Variants in KCTD15 observed in about 807,000 individuals in gnomAD.
KCTD15 encodes BTB/POZ domain-containing protein KCTD15.
A neutral mutation model predicts 27.2 loss-of-function variants in KCTD15; 11 were observed. The ratio of observed to expected loss-of-function variants is 0.41; its 90% CI spans 0.25 to 0.67. KCTD15 has a LOEUF of 0.67. Among genes scored for constraint, KCTD15 ranks in the 30% least tolerant of loss-of-function variants. KCTD15 has a pLI of 0.35. For missense variants in KCTD15, 350 were observed against 409.3 expected (o/e 0.86, Z 1.25); for synonymous variants, 163 against 176.0 (o/e 0.93, Z 0.58).
chr19:33,807,373 A>G (rs1005025585), intron 5 of KCTD15, among the ~76,000 whole-genome samples: 2 of 151,594 alleles, frequency 1.3e-5, no homozygotes, highest in Non-Finnish European at 2.9e-5. Context: ...GGATCACTTG[A>G]GGTCAGGAGT....
At position 33,812,868 on chromosome 19, in the gene KCTD15, G is replaced by T. The variant is rs763757963; in HGVS notation, c.772G>T (p.Glu258Ter). Reference sequence around the variant, plus strand: ...CGGTGTGGACTCCTCCCAGTTCAGCGAGTATGTGCTTTGCCGGGAGGAGCG... The same window carrying T: ...CGGTGTGGACTCCTCCCAGTTCAGCTAGTATGTGCTTTGCCGGGAGGAGCG... ...GGGVDSSQFS[E>*]YVLCREERRP... The change falls in exon 7 of 7, where the codon GAG becomes TAG. Residue 258 changes from glutamate (E) to a stop codon, truncating the protein, a stop_gained. Coordinates refer to ENST00000683859, the MANE Select transcript of KCTD15 (RefSeq NM_001129994.2). LOFTEE classifies it high-confidence loss of function. 1 of 1,548,950 alleles carries T rather than the reference G, an allele frequency of 6.5e-7. No homozygotes were observed. The highest frequency in any genetic ancestry group is 8.7e-7 in the Non-Finnish European group (1 of 1,145,752).
intron 1 of KCTD15, among the ~76,000 whole-genome samples, chr19:33,797,872 G>A (rs1248567893): frequency 3.3e-5 from 5 of 152,128 alleles, no homozygotes; most frequent in Non-Finnish European, 7.4e-5. Flanking sequence ...GCGCTTTTAC[G>A]TCCTTAATTA....
chr19:33,812,772 C>G lies in KCTD15; in HGVS notation c.694-18C>G, dbSNP rs1224360978. ...TCTTGCAGCTTGGCCTTGATGACCT[C>G]TGTTTCTTCCTGGGCAGGTCCTGGA... On this transcript the variant is annotated intron_variant, in intron 6 of 6. Transcript: ENST00000683859. 7.0e-7 allele frequency: 1 copy of G among 1,431,820 alleles called. No homozygotes were observed. Among genetic ancestry groups the G allele is most frequent in the Admixed American group, 2.9e-5 (1 of 34,512 alleles). The allele number at this position is 1,431,820 out of a possible 1,614,324, so 88.7% of individuals were successfully genotyped here.
intron 4 of KCTD15, among the ~76,000 whole-genome samples, chr19:33,806,246 A>C (rs566368682): frequency 3.3e-4 from 50 of 152,202 alleles, no homozygotes; most frequent in Non-Finnish European, 6.6e-4. Flanking sequence ...TTGTGCCGTC[A>C]TGTCTCTGGG....
chr19:33,803,292 GC>G (rs1975617642), intron 4 of KCTD15, among the ~76,000 whole-genome samples: 1 of 152,234 alleles, frequency 6.6e-6, no homozygotes, highest in African/African-American at 2.4e-5. Context: ...AGCTGTGCTG[GC>G]AAGAGCCCCT....
At chr19:33,799,379 A>G (rs1320169001) in intron 2 of KCTD15, among the ~76,000 whole-genome samples, 2 of 152,252 alleles carry the variant, frequency 1.3e-5, no homozygotes, top group African/African-American at 4.8e-5. Flanking sequence ...CTTAAAGGTT[A>G]AACCTTCGAG....
intron 4 of KCTD15, among the ~76,000 whole-genome samples, chr19:33,806,588 C>A (rs556395507): frequency 6.6e-6 from 1 of 152,044 alleles, no homozygotes; most frequent in Non-Finnish European, 1.5e-5. Context: ...TGTAACATAA[C>A]GTGTGTTGGC....
upstream of KCTD15, among the ~76,000 whole-genome samples, chr19:33,795,562 G>A (rs533438309): frequency 6.6e-6 from 1 of 152,056 alleles, no homozygotes; most frequent in Admixed American, 6.5e-5. Flanking sequence ...TCTCCGGCCC[G>A]GGCGTCCCTG....
chr19:33,800,546 C>A, intron 3 of KCTD15, 26 bp downstream of exon 3: 1 of 1,565,318 alleles, frequency 6.4e-7, no homozygotes. Flanking sequence ...GGGCTGGGTC[C>A]CTGCCGGGAG....
At chr19:33,805,599 GA>G (rs1487155582) in intron 4 of KCTD15, among the ~76,000 whole-genome samples, 28 of 152,324 alleles carry the variant, frequency 1.8e-4, no homozygotes, top group Admixed American at 1.0e-3. Context: ...TCCCAAGTTG[GA>G]GCTACTGTTC....
intron 4 of KCTD15, among the ~76,000 whole-genome samples, chr19:33,806,322 T>G (rs1219628623): frequency 6.6e-6 from 1 of 152,138 alleles, no homozygotes; most frequent in Non-Finnish European, 1.5e-5. Flanking sequence ...ATGTGTGTGT[T>G]GGGAAGGAAG....
chr19:33,804,298 T>C (rs962701281), intron 4 of KCTD15, among the ~76,000 whole-genome samples: 9 of 152,192 alleles, frequency 5.9e-5, no homozygotes, highest in African/African-American at 9.7e-5. Flanking sequence ...ATAAGGCAGA[T>C]GGAAAACCTT....
chr19:33,811,515 T>G lies in KCTD15; in HGVS notation c.656T>G (p.Phe219Cys). The change falls in exon 6 of 7, where the codon TTC (phenylalanine) becomes TGC (cysteine). Residue 219 changes from phenylalanine to cysteine, a missense_variant. Phe to Cys is a radical substitution (Grantham distance 205). This residue lies in a region of KCTD15 where 219 missense variants were observed against 234.9 expected (regional missense o/e 0.93). Transcript: ENST00000683859. ...WNQDPTHVIR[F>C]PLNGYCRLNS... ...CAGGACCCCACGCACGTCATCCGCT[T>G]CCCGCTCAATGGCTACTGCCGGCTC... 1 of 1,609,750 alleles carries G rather than the reference T, an allele frequency of 6.2e-7. No homozygotes were observed. The highest frequency in any genetic ancestry group is 8.5e-7 in the Non-Finnish European group (1 of 1,177,274).
chr19:33,803,215 C>G (rs1033189513), intron 4 of KCTD15, among the ~76,000 whole-genome samples: 1 of 152,132 alleles, frequency 6.6e-6, no homozygotes, highest in Non-Finnish European at 1.5e-5. Flanking sequence ...GACTAGAGGC[C>G]AGGGATGGCT....
In KCTD15 at chr19:33,800,474, G is replaced by A. The variant is rs370091360; in HGVS notation, c.20G>A (p.Arg7Gln). The change falls in exon 3 of 7, where the codon CGG becomes CAG. Residue 7 changes from arginine (R) to glutamine (Q), a missense_variant. Arg to Gln is a conservative substitution (Grantham distance 43). Transcript: ENST00000683859. MPHRKE[R>Q]PSGSSLHTHG... Reference sequence around the variant, plus strand: ...GCCTAGATGCCTCACCGCAAGGAGCGGCCGAGCGGGTCCTCGCTTCACACA... The same window carrying A: ...GCCTAGATGCCTCACCGCAAGGAGCAGCCGAGCGGGTCCTCGCTTCACACA... 5.6e-6 allele frequency: 9 copies of A among 1,605,600 alleles called. No homozygotes were observed. The highest frequency in any genetic ancestry group is 4.5e-5 in the South Asian group (4 of 88,838).
At chr19:33,795,315 T>C (rs949876834), upstream of KCTD15, among the ~76,000 whole-genome samples, 33 of 152,266 alleles carry the variant, frequency 2.2e-4, no homozygotes, top group African/African-American at 7.7e-4. Context: ...ACGGAAGCGC[T>C]GTCTGGACGC....
At chr19:33,811,656 GC>G in intron 6 of KCTD15, 104 bp downstream of exon 6, 4 of 1,501,780 alleles carry the variant, frequency 2.7e-6, no homozygotes, top group South Asian at 2.5e-5. Context: ...AAACGGTGAA[GC>G]CCCCCGTGCC....
chr19:33,806,636 T>C (rs542044066), intron 4 of KCTD15, among the ~76,000 whole-genome samples: 16 of 152,272 alleles, frequency 1.1e-4, no homozygotes, highest in African/African-American at 3.9e-4. Flanking sequence ...CCTCTCTGGC[T>C]GTGACTTGCG....
In KCTD15 at chr19:33,804,015, C is replaced by A. The variant is rs114986079; in HGVS notation, c.242+2673C>A. Reference sequence around the variant, plus strand: ...GACTTCGGAAGCCGGCCCCTCAAACCCTGCATCCTCTCTCAGAGGGTGGCC... The same window carrying A: ...GACTTCGGAAGCCGGCCCCTCAAACACTGCATCCTCTCTCAGAGGGTGGCC... On this transcript the variant is annotated intron_variant, in intron 4 of 6. Coordinates refer to ENST00000683859, the MANE Select transcript of KCTD15 (RefSeq NM_001129994.2). Among the ~76,000 whole-genome samples, 517 of 151,194 alleles carry A rather than the reference C, an allele frequency of 3.4e-3. 6 individuals are homozygous for A. Among genetic ancestry groups the A allele is most frequent in the African/African-American group, 0.012 (498 of 40,508 alleles).
Sources: gnomAD v4.1 joint callset for allele counts (sites outside exome capture counted in the v4.1 genomes callset) on GRCh38, gnomAD v4.1.1 for gene constraint, gnomAD v4.1.1 regional missense constraint, MANE v1.5 for transcripts, NCBI Gene and HGNC (gene_info 2026-07-23, HGNC 2026-07-21) for gene names.